Variants in CAMK1D observed in about 807,000 individuals in gnomAD.
CAMK1D encodes the protein calcium/calmodulin-dependent protein kinase type 1D.
Under a neutral mutation model 47.7 loss-of-function variants are expected in CAMK1D, and 9 were observed. The observed-to-expected ratio is 0.19, with a 90% confidence interval of 0.11 to 0.33. The LOEUF (loss-of-function observed/expected upper bound fraction) is 0.33, where lower values mean the gene tolerates loss of function less well. Ranked by LOEUF, CAMK1D falls within the 10% of genes least tolerant of loss-of-function variation. CAMK1D has a pLI of 1.00. For synonymous variants in CAMK1D, 184 were observed against 184.9 expected (o/e 0.99, Z 0.04); for missense variants, 291 against 488.7 (o/e 0.60, Z 3.81).
chr10:12,764,400 A>C (rs3995684), intron 4 of CAMK1D, among the ~76,000 whole-genome samples: 1 of 150,828 alleles, frequency 6.6e-6, no homozygotes, highest in African/African-American at 2.4e-5. Flanking sequence ...AAAAAAAAAC[A>C]TTGATCTAAA....
chr10:12,576,282 G>T (rs1837486625), intron 2 of CAMK1D, among the ~76,000 whole-genome samples: 1 of 152,026 alleles, frequency 6.6e-6, no homozygotes, highest in Admixed American at 6.6e-5. Context: ...TGAGTATTTT[G>T]TACTGAAGGG....
intron 1 of CAMK1D, among the ~76,000 whole-genome samples, chr10:12,415,419 G>C (rs1839809841): frequency 6.7e-6 from 1 of 149,672 alleles, no homozygotes; most frequent in Non-Finnish European, 1.5e-5. Flanking sequence ...CTCCCAAGTA[G>C]CTGGCATTAC....
At chr10:12,666,613 T>C in intron 2 of CAMK1D, 123 bp from the exon 3 acceptor site, 1 of 744,200 alleles carries the variant, frequency 1.3e-6, no homozygotes, top group Admixed American at 2.5e-5. Context: ...TTGTGAAGTC[T>C]GAAATCTTTT....
intron 3 of CAMK1D, among the ~76,000 whole-genome samples, chr10:12,750,745 C>A (rs1245653785): frequency 1.3e-5 from 2 of 151,510 alleles, no homozygotes; most frequent in Non-Finnish European, 2.9e-5. Context: ...GTCTCAGCGG[C>A]CAGTCAGCTA....
chr10:12,821,261 A>G (rs1833001375), intron 8 of CAMK1D, among the ~76,000 whole-genome samples: 1 of 152,200 alleles, frequency 6.6e-6, no homozygotes, highest in Non-Finnish European at 1.5e-5. Flanking sequence ...TACTGATTGA[A>G]ATGTTCATCT....
At chr10:12,759,243 G>A (rs1836383469) in intron 3 of CAMK1D, among the ~76,000 whole-genome samples, 2 of 152,192 alleles carry the variant, frequency 1.3e-5, no homozygotes, top group African/African-American at 2.4e-5. Flanking sequence ...CAGCTACTCA[G>A]GAAGCTGATG....
In CAMK1D at chr10:12,828,634, C is replaced by T. The variant is rs1833343515; in HGVS notation, c.1040-135C>T. The T allele has an allele frequency of 1.7e-5, 11 of 647,714 alleles. No homozygotes were observed. The South Asian group carries it at 1.8e-4, about 11-fold the overall frequency. The allele number at this position is 647,714 out of a possible 1,614,324, so 40.1% of individuals were successfully genotyped here. On this transcript the variant is annotated intron_variant, in intron 10 of 10. Coordinates refer to ENST00000619168, the MANE Select transcript of CAMK1D (RefSeq NM_153498.4). The stretch of plus-strand genomic sequence containing the variant: ...CCAGCCTGGTGAAAAGAGTGAAACT[C>T]CATCTCAAGAAAAAAAAAAAATTGG...
At chr10:12,461,527 A>G (rs910843599) in intron 1 of CAMK1D, among the ~76,000 whole-genome samples, 1 of 151,956 alleles carries the variant, frequency 6.6e-6, no homozygotes, top group East Asian at 1.9e-4. Context: ...CGTCCCTACT[A>G]AAAATACAAA....
In CAMK1D at chr10:12,749,560, T is replaced by TG. The variant is rs374441182; in HGVS notation, c.300-11388_300-11387insG. On this transcript the variant is annotated intron_variant, in intron 3 of 10. Transcript: ENST00000619168. ...GTTTGTTTGTTTGTTTTTTGTTTGT[T>TG]TGTTTGTTTGTTTGTTTTGATGAAG... 3.0e-4 allele frequency among the ~76,000 whole-genome samples: 39 copies of TG among 130,190 alleles called. 1 individual carries two copies. The highest frequency in any genetic ancestry group is 1.6e-3 in the East Asian group (8 of 4,876). 85.4% of individuals were successfully genotyped at this position (130,190 alleles called of 152,430 possible). A position where few individuals can be genotyped will look rare whatever the true frequency, so the allele number is the denominator to read the frequency against.
intron 1 of CAMK1D, among the ~76,000 whole-genome samples, chr10:12,517,067 A>ATAGT (rs1196102801): frequency 6.6e-6 from 1 of 152,168 alleles, no homozygotes; most frequent in Non-Finnish European, 1.5e-5. Flanking sequence ...TCAATGTTTT[A>ATAGT]TAGTTTTCAG....
At chr10:12,628,715 T>G (rs886463134) in intron 2 of CAMK1D, among the ~76,000 whole-genome samples, 2 of 152,204 alleles carry the variant, frequency 1.3e-5, no homozygotes, top group African/African-American at 4.8e-5. Flanking sequence ...ATGACATGTA[T>G]CCACCATCAT....
At chr10:12,732,444 G>A (rs780167127) in intron 3 of CAMK1D, among the ~76,000 whole-genome samples, 30 of 152,088 alleles carry the variant, frequency 2.0e-4, no homozygotes, top group Non-Finnish European at 2.9e-4. Flanking sequence ...ACATATCCAA[G>A]ACTGGGAGGA....
intron 2 of CAMK1D, among the ~76,000 whole-genome samples, chr10:12,564,113 C>A (rs1480550728): frequency 1.4e-5 from 2 of 146,706 alleles, no homozygotes; most frequent in Admixed American, 6.9e-5. Context: ...ATCTGTCTGT[C>A]TAGATGTCTC....
chr10:12,810,726 C>A (rs543967243), intron 6 of CAMK1D, among the ~76,000 whole-genome samples: 1 of 152,276 alleles, frequency 6.6e-6, no homozygotes, highest in Middle Eastern at 3.4e-3. Context: ...ACTTCAACGC[C>A]CGAAGTTCAA....
At chr10:12,603,461 A>G (rs1215212261) in intron 2 of CAMK1D, among the ~76,000 whole-genome samples, 1 of 151,924 alleles carries the variant, frequency 6.6e-6, no homozygotes, top group Non-Finnish European at 1.5e-5. Flanking sequence ...GTGTGTCATT[A>G]CCTCTCCAGA....
intron 6 of CAMK1D, among the ~76,000 whole-genome samples, chr10:12,813,862 G>A (rs370194701): frequency 7.9e-5 from 12 of 151,792 alleles, no homozygotes; most frequent in Middle Eastern, 3.4e-3. Flanking sequence ...CCAGGCTCAA[G>A]GATTCTCCCT....
At chr10:12,742,019 G>A (rs542095803) in intron 3 of CAMK1D, among the ~76,000 whole-genome samples, 17 of 152,310 alleles carry the variant, frequency 1.1e-4, no homozygotes, top group African/African-American at 3.8e-4. Flanking sequence ...GGGAGAGCAA[G>A]GCCACACCCA....
intron 1 of CAMK1D, among the ~76,000 whole-genome samples, chr10:12,397,210 T>C (rs776356613): frequency 6.5e-4 from 99 of 152,334 alleles, no homozygotes; most frequent in Non-Finnish European, 1.2e-3. Context: ...ATTTCCATCA[T>C]GTGCCTGTTT....
intron 3 of CAMK1D, among the ~76,000 whole-genome samples, chr10:12,748,421 C>T (rs1444710775): frequency 2.0e-5 from 3 of 152,064 alleles, no homozygotes; most frequent in Non-Finnish European, 4.4e-5. Flanking sequence ...GAGGGGCCCA[C>T]GGGCAGGGAT....
Sources: gnomAD v4.1 joint callset for allele counts (sites outside exome capture counted in the v4.1 genomes callset) on GRCh38, gnomAD v4.1.1 for gene constraint, MANE v1.5 for transcripts, NCBI Gene and HGNC (gene_info 2026-07-23, HGNC 2026-07-21) for gene names.